The following ADH7 variants were observed in gnomAD, a reference collection of about 807,000 sequenced individuals.
The protein encoded by ADH7 is all-trans-retinol dehydrogenase [NAD(+)] ADH7.
Under a neutral mutation model 34.4 loss-of-function variants are expected in ADH7, and 41 were observed. The observed-to-expected ratio is 1.19, with a 90% CI of 0.93 to 1.55. The LOEUF (loss-of-function observed/expected upper bound fraction) is 1.55. Among genes scored for constraint, ADH7 ranks in the 40% most tolerant of loss-of-function variants. The pLI is 0.00. For missense variants in ADH7, 540 were observed against 461.2 expected (o/e 1.17, Z -1.56); for synonymous variants, 180 against 160.9 (o/e 1.12, Z -0.90).
chr4:99,429,459 C>A (rs1261844775), intron 2 of ADH7, 73 bp downstream of exon 2: 6 of 1,054,202 alleles, frequency 5.7e-6, no homozygotes, highest in Non-Finnish European at 8.4e-6. Context: ...AAGAATCCAG[C>A]CTCACAACAG....
Position 99,420,653 on chromosome 4 carries a change from T to C in ADH7, c.705A>G (p.Val235=), listed in dbSNP as rs1462242226. 1 of 1,613,848 alleles carries C rather than the reference T, an allele frequency of 6.2e-7. No individual in the cohort carries two copies. Among genetic ancestry groups the C allele is most frequent in the East Asian group, 2.2e-5 (1 of 44,878 alleles). Residue 235 remains valine, a synonymous_variant, in exon 6 of 9, where the codon GTA becomes GTG. Transcript: ENST00000437033. ...TGGGACTGATACACTCAGTGGCACC[T>C]ACAGCCATGGCCTTCTCAAATTTGT... is the stretch of plus-strand genomic sequence containing the variant. ...NKDKFEKAMA[V]GATECISPKD... is the part of the protein sequence containing the mutation.
intron 4 of ADH7, 41 bp from the exon 5 acceptor site, chr4:99,428,030 C>G (rs745676025): frequency 1.9e-6 from 3 of 1,612,484 alleles, no homozygotes; most frequent in Non-Finnish European, 2.5e-6. Context: ...TAATTCAATT[C>G]AAAAATTAGC....
rs370564755 is a variant in ADH7 at position 99,429,601 on chromosome 4, C to T, written c.51G>A (p.Glu17=). The T allele has an allele frequency of 4.7e-5, 75 of 1,611,568 alleles. No homozygotes were observed. The highest frequency in any genetic ancestry group is 6.3e-5 in the Non-Finnish European group (74 of 1,178,826). Residue 17 remains glutamate (E), a synonymous_variant, in exon 2 of 9, where the codon GAG becomes GAA. Coordinates refer to ENST00000437033, the MANE Select transcript of ADH7 (RefSeq NM_000673.7). The part of the protein sequence containing the change: ...VIKCKAAVLW[E]QKQPFSIEEI... ...CCTCAATGGAGAAGGGTTGCTTCTG[C>T]TCCCAAAGCACAGCTGCTTTGCATT...
rs769630848 is a variant in ADH7 at position 99,419,080 on chromosome 4, G to A, written c.867C>T (p.Ser289=). ...CTGATGGAGGAACTCCTACAACCAC[G>A]CTGGTCCCATAGTTCATGTGGCAGG... is the stretch of plus-strand genomic sequence containing the variant. The part of the protein sequence containing the change: ...LASCHMNYGT[S]VVVGVPPSAK... Residue 289 remains serine, a synonymous_variant, in exon 7 of 9, where the codon AGC becomes AGT. Transcript: ENST00000437033. 10 of 1,613,782 alleles carry A rather than the reference G, an allele frequency of 6.2e-6. No individual in the cohort carries two copies. Among genetic ancestry groups the A allele is most frequent in the Non-Finnish European group, 8.5e-6 (10 of 1,179,838 alleles).
At chr4:99,427,115 A>G (rs1439478565) in intron 5 of ADH7, among the ~76,000 whole-genome samples, 2 of 152,204 alleles carry the variant, frequency 1.3e-5, no homozygotes, top group African/African-American at 4.8e-5. Flanking sequence ...TTTACTTGTG[A>G]AATTTCATGT....
At chr4:99,419,439 T>A (rs1289576357) in intron 6 of ADH7, among the ~76,000 whole-genome samples, 1 of 152,150 alleles carries the variant, frequency 6.6e-6, no homozygotes, top group African/African-American at 2.4e-5. Context: ...TAGAAAGCCA[T>A]TTGAACCAAA....
intron 5 of ADH7, among the ~76,000 whole-genome samples, chr4:99,427,146 G>T (rs1560563895): frequency 6.6e-6 from 1 of 152,104 alleles, no homozygotes; most frequent in Non-Finnish European, 1.5e-5. Context: ...AAATTCCAGG[G>T]ATCCTATCTA....
intron 1 of ADH7, among the ~76,000 whole-genome samples, chr4:99,431,234 T>C (rs1055674979): frequency 2.6e-5 from 4 of 152,158 alleles, no homozygotes; most frequent in Admixed American, 2.0e-4. Context: ...GAAAGAATGC[T>C]CTACTTAATA....
intron 7 of ADH7, among the ~76,000 whole-genome samples, chr4:99,418,044 T>G (rs1176506873): frequency 1.3e-5 from 2 of 152,202 alleles, no homozygotes; most frequent in Non-Finnish European, 2.9e-5. Context: ...GGCAAAAAAC[T>G]TAATAGTTCC....
chr4:99,419,939 G>A (rs1721609199), intron 6 of ADH7, among the ~76,000 whole-genome samples: 1 of 152,150 alleles, frequency 6.6e-6, no homozygotes, highest in East Asian at 1.9e-4. Flanking sequence ...CGCTATGCCA[G>A]GTTGGAGCTT....
chr4:99,428,267 C>T (rs1213964615), intron 3 of ADH7, 93 bp from the exon 4 acceptor site: 1 of 1,346,774 alleles, frequency 7.4e-7, no homozygotes, highest in East Asian at 2.3e-5. Flanking sequence ...ATAGGTAAAA[C>T]TTTTAAAAAT....
intron 1 of ADH7, among the ~76,000 whole-genome samples, chr4:99,434,612 C>G (rs540635724): frequency 3.9e-5 from 6 of 151,956 alleles, no homozygotes; most frequent in Non-Finnish European, 7.4e-5. Flanking sequence ...AAAGTTAATA[C>G]CAACTCTGCT....
At chr4:99,415,256 A>G in intron 8 of ADH7, 1 of 495,046 alleles carries the variant, frequency 2.0e-6, no homozygotes, top group Non-Finnish European at 3.5e-6. Flanking sequence ...AGTCAATTGA[A>G]TCTGTTTGCT....
At chr4:99,429,899 C>G (rs1005270293) in intron 1 of ADH7, among the ~76,000 whole-genome samples, 2 of 152,138 alleles carry the variant, frequency 1.3e-5, no homozygotes, top group Non-Finnish European at 2.9e-5. Flanking sequence ...ACCTGAGGTA[C>G]TTTTCCCAAC....
chr4:99,423,390 C>G (rs1366446728), intron 5 of ADH7, among the ~76,000 whole-genome samples: 1 of 151,572 alleles, frequency 6.6e-6, no homozygotes, highest in South Asian at 2.1e-4. Flanking sequence ...TGGGTATATA[C>G]CCAGTAATGG....
rs763786861 is a variant in ADH7 at position 99,415,634 on chromosome 4, T to A, written c.962-18A>T. The A allele has an allele frequency of 5.0e-6, 8 of 1,609,780 alleles. No individual in the cohort carries two copies. The South Asian group carries it at 8.9e-5, about 18-fold the overall frequency. On this transcript the variant is annotated intron_variant, in intron 7 of 8. Coordinates refer to ENST00000437033, the MANE Select transcript of ADH7 (RefSeq NM_000673.7). ...TTTCAAACCTGCAAATAAGCACACA[T>A]TTTCTCTTTAGACATTACTAAATAA...
intron 7 of ADH7, among the ~76,000 whole-genome samples, chr4:99,416,202 C>T (rs1237182387): frequency 6.6e-6 from 1 of 152,106 alleles, no homozygotes; most frequent in Admixed American, 6.6e-5. Flanking sequence ...CCCACATCTC[C>T]TTCCAGTCAC....
chr4:99,420,565 TG>T lies in ADH7; in HGVS notation c.792del (p.Tyr264Ter). 15 of 1,613,950 alleles carry T rather than the reference TG, an allele frequency of 9.3e-6. No individual in the cohort carries two copies. The highest frequency in any genetic ancestry group is 1.3e-5 in the Non-Finnish European group (15 of 1,179,914). ...LSEMTGNNVG[Y>X]TFEVIGHLET... is the part of the protein sequence containing the mutation. ...TCAAGATGCCCAATAACTTCAAAGGTGTATCCCACGTTGTTGCCTGTCATTT... is the reference window on the plus strand; with the variant it reads ...TCAAGATGCCCAATAACTTCAAAGGTTATCCCACGTTGTTGCCTGTCATTT... On this transcript the variant is annotated frameshift_variant, in exon 6 of 9. Transcript: ENST00000437033. LOFTEE classifies it high-confidence loss of function.
intron 7 of ADH7, among the ~76,000 whole-genome samples, chr4:99,416,639 G>C (rs115417134): frequency 0.032 from 4,817 of 152,116 alleles, 253 homozygotes; most frequent in African/African-American, 0.11. Context: ...GTCCATTTCT[G>C]TTCTTTATCT....
Sources: gnomAD v4.1 joint callset for allele counts (sites outside exome capture counted in the v4.1 genomes callset) on GRCh38, gnomAD v4.1.1 for gene constraint, MANE v1.5 for transcripts, NCBI Gene and HGNC (gene_info 2026-07-23, HGNC 2026-07-21) for gene names.